Variants in OTOGL observed in about 807,000 individuals in gnomAD.
OTOGL encodes the protein otogelin like.
OTOGL carries 285 observed loss-of-function variants against 318.5 expected under a neutral mutation model. The observed-to-expected ratio is 0.89, with a 90% CI of 0.81 to 0.99. The LOEUF is 0.99. Ranked by LOEUF, OTOGL falls within the 50% of genes least tolerant of loss-of-function variation. The probability of loss-of-function intolerance (pLI) is 0.00; values close to 1 mark genes in which losing one functional copy is unlikely to be tolerated. For missense variants in OTOGL, 2,899 were observed against 2,845.6 expected (o/e 1.02, Z -0.43); for synonymous variants, 987 against 936.5 (o/e 1.05, Z -0.99).
At chr12:80,282,381 G>T (rs998508984) in intron 26 of OTOGL, among the ~76,000 whole-genome samples, 1 of 151,838 alleles carries the variant, frequency 6.6e-6, no homozygotes, top group Admixed American at 6.6e-5. Context: ...ACTTAAGGAA[G>T]GTTCTTGCTT....
At chr12:80,205,905 A>T (rs1876775768) in intron 1 of OTOGL, among the ~76,000 whole-genome samples, 2 of 152,192 alleles carry the variant, frequency 1.3e-5, no homozygotes, top group Admixed American at 1.3e-4. Context: ...CTCAATAAAA[A>T]TTTTCCCATT....
At chr12:80,374,377 A>G (rs1891065929) in intron 57 of OTOGL, among the ~76,000 whole-genome samples, 1 of 152,198 alleles carries the variant, frequency 6.6e-6, no homozygotes, top group African/African-American at 2.4e-5. Flanking sequence ...ATTCTAAGAT[A>G]CACAGGCATT....
At chr12:80,099,704 G>A (rs1869019342) in intron 1 of OTOGL, 99 bp downstream of exon 1, 1 of 152,190 alleles carries the variant, frequency 6.6e-6, no homozygotes, top group Admixed American at 6.5e-5. Flanking sequence ...ATGGAAATGA[G>A]AGGTGATGAA....
chr12:80,253,813 G>T (rs759088003), intron 14 of OTOGL, among the ~76,000 whole-genome samples: 5 of 151,954 alleles, frequency 3.3e-5, no homozygotes, highest in Admixed American at 6.6e-5. Context: ...TGAGTCTGTT[G>T]CATTTTCTTA....
chr12:80,265,017 C>T lies in OTOGL; in HGVS notation c.2031C>T (p.His677=), dbSNP rs374597927. The T allele has an allele frequency of 2.6e-5, 42 of 1,613,772 alleles. 1 individual carries two copies. The South Asian group carries it at 4.5e-4, about 17-fold the overall frequency. Residue 677 remains histidine, a synonymous_variant, in exon 20 of 59, where the codon CAC becomes CAT. Transcript: ENST00000547103. ...INQQNIGYAA[H]CDVIHQELFA... ...CTTTGTTAGTTGGGTATGCAGCACA[C>T]TGTGATGTCATCCACCAGGAGCTCT...
intron 1 of OTOGL, among the ~76,000 whole-genome samples, chr12:80,113,253 C>T (rs1171055211): frequency 6.6e-6 from 1 of 152,112 alleles, no homozygotes; most frequent in African/African-American, 2.4e-5. Context: ...CTATCTCCTT[C>T]AGTTCTGCTC....
At position 80,358,178 on chromosome 12, in the gene OTOGL, A is replaced by C. The variant is rs1890022009; in HGVS notation, c.6020-70A>C. 40 of 968,768 alleles carry C rather than the reference A, an allele frequency of 4.1e-5. 1 individual carries two copies. In the South Asian group the frequency reaches 5.7e-4, roughly 14 times the overall value. The allele number at this position is 968,768 out of a possible 1,614,324, so 60.0% of individuals were successfully genotyped here. ...AAAATTGATTTGATTTGTGTATGGT[A>C]ATTTAAACTCATATTATAATTCATG... On this transcript the variant is annotated intron_variant, in intron 49 of 58. Transcript: ENST00000547103.
chr12:80,267,420 A>T, intron 22 of OTOGL, 93 bp downstream of exon 22: 1 of 570,254 alleles, frequency 1.8e-6, no homozygotes, highest in Non-Finnish European at 2.4e-6. Context: ...TTTTTATTAT[A>T]CTTTAAGTTC....
At chr12:80,115,350 T>A (rs1043470518) in intron 1 of OTOGL, among the ~76,000 whole-genome samples, 1 of 151,950 alleles carries the variant, frequency 6.6e-6, no homozygotes, top group Middle Eastern at 3.2e-3. Context: ...AACAGTCAGG[T>A]CCCTCTTCTG....
chr12:80,367,342 T>C (rs1890604311), intron 53 of OTOGL, among the ~76,000 whole-genome samples: 1 of 152,062 alleles, frequency 6.6e-6, no homozygotes, highest in Non-Finnish European at 1.5e-5. Context: ...TAAACAGCAG[T>C]TGATTTTATA....
intron 29 of OTOGL, among the ~76,000 whole-genome samples, chr12:80,308,231 G>A (rs1380168182): frequency 1.6e-4 from 24 of 149,912 alleles, no homozygotes; most frequent in Non-Finnish European, 3.1e-4. Context: ...CTGGGTGGAG[G>A]GGCTCCTCAC....
chr12:80,275,711 G>A (rs1366784444), intron 24 of OTOGL, among the ~76,000 whole-genome samples: 3 of 151,722 alleles, frequency 2.0e-5, no homozygotes, highest in Admixed American at 1.3e-4. Context: ...CTTATTTCAA[G>A]AAATTGCCAC....
rs567012230 is a variant in OTOGL at position 80,256,870 on chromosome 12, G to A, written c.1711+410G>A. Among the ~76,000 whole-genome samples, 6 of 152,070 alleles carry A rather than the reference G, an allele frequency of 3.9e-5. No homozygotes were observed. In the South Asian group the frequency reaches 1.3e-3, roughly 32 times the overall value. On this transcript the variant is annotated intron_variant, in intron 17 of 58. Coordinates refer to ENST00000547103, the MANE Select transcript of OTOGL (RefSeq NM_001378609.3). ...ATTGTCTCATTGAGCATTTAAGGATGAGGAATTGCTGGGTTGAAGGGGATG... is the reference window on the plus strand; with the variant it reads ...ATTGTCTCATTGAGCATTTAAGGATAAGGAATTGCTGGGTTGAAGGGGATG...
intron 1 of OTOGL, among the ~76,000 whole-genome samples, chr12:80,106,719 T>G (rs1421841593): frequency 1.3e-5 from 2 of 152,190 alleles, no homozygotes; most frequent in Non-Finnish European, 2.9e-5. Flanking sequence ...CTTTTATAAC[T>G]GCTTCAGCTA....
chr12:80,225,247 C>G (rs1279305076), intron 7 of OTOGL, among the ~76,000 whole-genome samples: 1 of 151,956 alleles, frequency 6.6e-6, no homozygotes, highest in East Asian at 1.9e-4. Context: ...TCCCCCACCC[C>G]TCACTTGTTT....
intron 1 of OTOGL, among the ~76,000 whole-genome samples, chr12:80,137,970 T>G (rs1422057982): frequency 6.6e-6 from 1 of 152,168 alleles, no homozygotes. Context: ...AAAAATAGAC[T>G]TAACAGAAAA....
intron 4 of OTOGL, among the ~76,000 whole-genome samples, chr12:80,214,453 T>C (rs1877528212): frequency 6.6e-6 from 1 of 152,194 alleles, no homozygotes; most frequent in Non-Finnish European, 1.5e-5. Flanking sequence ...TAGTCTTTTC[T>C]GCTTGGACTC....
chr12:80,306,245 A>G (rs1229073139), intron 29 of OTOGL, among the ~76,000 whole-genome samples: 1 of 152,244 alleles, frequency 6.6e-6, no homozygotes, highest in Non-Finnish European at 1.5e-5. Flanking sequence ...TTGAGGCATT[A>G]TAAGCCTATA....
chr12:80,237,190 G>A (rs935979494), intron 9 of OTOGL, among the ~76,000 whole-genome samples: 1 of 151,986 alleles, frequency 6.6e-6, no homozygotes, highest in Non-Finnish European at 1.5e-5. Flanking sequence ...CACTTATTTA[G>A]CAAATATATT....
Sources: allele counts gnomAD v4.1 joint callset (sites outside exome capture counted in the v4.1 genomes callset), GRCh38; gene constraint gnomAD v4.1.1; transcripts MANE v1.5; gene names NCBI Gene and HGNC (gene_info 2026-07-23, HGNC 2026-07-21).